Variants in KCNQ3 observed in about 807,000 individuals in gnomAD.
KCNQ3 encodes potassium voltage-gated channel subfamily KQT member 3.
In KCNQ3, 30 loss-of-function variants were observed where a neutral mutation model predicts 92.5. That is an observed-to-expected ratio of 0.32 (90% CI 0.24 to 0.44). The LOEUF (loss-of-function observed/expected upper bound fraction) is 0.44, where lower values mean the gene tolerates loss of function less well. Ranked by LOEUF, KCNQ3 falls within the 20% of genes least tolerant of loss-of-function variation. The pLI is 1.00. For synonymous variants in KCNQ3, 450 were observed against 468.8 expected (o/e 0.96, Z 0.52); for missense variants, 913 against 1,140.3 (o/e 0.80, Z 2.87).
Position 132,450,095 on chromosome 8 carries a change from C to A in KCNQ3, c.386+30052G>T, listed in dbSNP as rs562298147. Among the ~76,000 whole-genome samples the A allele has an allele frequency of 2.6e-5, 4 of 152,310 alleles. No individual in the cohort carries two copies. The East Asian group carries it at 7.7e-4, about 29-fold the overall frequency. On this transcript the variant is annotated intron_variant, in intron 1 of 14. Transcript: ENST00000388996. ...CAACAGGAAGATTTATTGTGAAGAG[C>A]AAAAGCACAAAGCTTCCACAGCATG...
At chr8:132,171,747 T>C (rs1410923954) in intron 7 of KCNQ3, among the ~76,000 whole-genome samples, 1 of 152,220 alleles carries the variant, frequency 6.6e-6, no homozygotes, top group Admixed American at 6.5e-5. Flanking sequence ...ACCTGGACTT[T>C]AGGCTGACTC....
At chr8:132,437,289 A>T (rs1023620612) in intron 1 of KCNQ3, among the ~76,000 whole-genome samples, 2 of 149,976 alleles carry the variant, frequency 1.3e-5, no homozygotes, top group Non-Finnish European at 1.5e-5. Flanking sequence ...AAAAAAAAAT[A>T]AAAATAAAAA....
intron 1 of KCNQ3, among the ~76,000 whole-genome samples, chr8:132,353,947 G>A (rs956345304): frequency 1.3e-5 from 2 of 152,186 alleles, no homozygotes; most frequent in Non-Finnish European, 2.9e-5. Flanking sequence ...CCTTGTTTGT[G>A]GTCATGAGTG....
intron 1 of KCNQ3, among the ~76,000 whole-genome samples, chr8:132,475,474 T>C (rs946147329): frequency 9.2e-5 from 14 of 152,164 alleles, no homozygotes; most frequent in Non-Finnish European, 5.9e-5. Flanking sequence ...GAGGAACTTA[T>C]TGGGAACTGG....
intron 1 of KCNQ3, among the ~76,000 whole-genome samples, chr8:132,226,507 A>T (rs933095343): frequency 6.6e-6 from 1 of 152,204 alleles, no homozygotes; most frequent in African/African-American, 2.4e-5. Flanking sequence ...ATTGACAAGT[A>T]GCCAAGGTCC....
chr8:132,145,443 T>C (rs1825422819), intron 9 of KCNQ3, among the ~76,000 whole-genome samples: 1 of 152,210 alleles, frequency 6.6e-6, no homozygotes, highest in Admixed American at 6.5e-5. Context: ...TGCTCTGTAG[T>C]TTATATTTCA....
At chr8:132,360,328 A>C (rs1402710250) in intron 1 of KCNQ3, among the ~76,000 whole-genome samples, 1 of 151,828 alleles carries the variant, frequency 6.6e-6, no homozygotes, top group Non-Finnish European at 1.5e-5. Flanking sequence ...CCTATCTCTC[A>C]TCCCTCTTTA....
At chr8:132,306,394 T>A (rs1817422954) in intron 1 of KCNQ3, among the ~76,000 whole-genome samples, 2 of 152,212 alleles carry the variant, frequency 1.3e-5, no homozygotes, top group Non-Finnish European at 2.9e-5. Context: ...TCTACTGTCC[T>A]TGCAGATCTC....
chr8:132,385,009 G>C (rs1819854522), intron 1 of KCNQ3, among the ~76,000 whole-genome samples: 1 of 152,318 alleles, frequency 6.6e-6, no homozygotes, highest in East Asian at 1.9e-4. Flanking sequence ...CAGGGTGCCA[G>C]AGTTCTCTAC....
intron 1 of KCNQ3, among the ~76,000 whole-genome samples, chr8:132,225,723 T>A (rs919064029): frequency 3.3e-5 from 5 of 152,162 alleles, no homozygotes; most frequent in African/African-American, 9.7e-5. Flanking sequence ...GGACTTCGCT[T>A]TAAGAGAAGT....
At chr8:132,418,947 T>A (rs949735490) in intron 1 of KCNQ3, among the ~76,000 whole-genome samples, 1 of 152,168 alleles carries the variant, frequency 6.6e-6, no homozygotes, top group Non-Finnish European at 1.5e-5. Flanking sequence ...CCATGTGACG[T>A]AAAGCAAGTC....
intron 1 of KCNQ3, among the ~76,000 whole-genome samples, chr8:132,313,120 C>T (rs191043422): frequency 1.2e-4 from 18 of 152,286 alleles, no homozygotes; most frequent in Non-Finnish European, 2.4e-4. Context: ...TTGGCAAATG[C>T]TGGCCTAGAA....
intron 1 of KCNQ3, among the ~76,000 whole-genome samples, chr8:132,335,428 C>G (rs1431689555): frequency 6.6e-6 from 1 of 152,174 alleles, no homozygotes; most frequent in Admixed American, 6.5e-5. Context: ...TCACTGTCTA[C>G]TCTGCAACTC....
intron 1 of KCNQ3, among the ~76,000 whole-genome samples, chr8:132,242,402 C>T (rs543019756): frequency 7.2e-5 from 11 of 152,250 alleles, no homozygotes; most frequent in African/African-American, 9.6e-5. Context: ...ATCATTAAAA[C>T]GGCTTCAAAA....
chr8:132,397,695 A>G (rs1820226824), intron 1 of KCNQ3, among the ~76,000 whole-genome samples: 1 of 152,148 alleles, frequency 6.6e-6, no homozygotes, highest in African/African-American at 2.4e-5. Flanking sequence ...CGGCTTACAG[A>G]CTATCTGGTT....
At chr8:132,397,200 G>C (rs1199359416) in intron 1 of KCNQ3, among the ~76,000 whole-genome samples, 1 of 152,106 alleles carries the variant, frequency 6.6e-6, no homozygotes, top group Non-Finnish European at 1.5e-5. Flanking sequence ...TACTCAGTCT[G>C]AGTGGCTGAG....
chr8:132,334,053 C>G (rs898486832), intron 1 of KCNQ3, among the ~76,000 whole-genome samples: 6 of 152,096 alleles, frequency 3.9e-5, no homozygotes, highest in African/African-American at 1.4e-4. Context: ...ACATAATATT[C>G]CATCCAGGAC....
At chr8:132,357,938 C>T (rs1186854347) in intron 1 of KCNQ3, among the ~76,000 whole-genome samples, 1 of 152,196 alleles carries the variant, frequency 6.6e-6, no homozygotes, top group Non-Finnish European at 1.5e-5. Context: ...TCTGGAACAC[C>T]ATTTAGTTTC....
intron 1 of KCNQ3, among the ~76,000 whole-genome samples, chr8:132,383,044 A>T (rs1483609574): frequency 2.6e-5 from 4 of 152,162 alleles, no homozygotes; most frequent in African/African-American, 7.2e-5. Context: ...AATTCTTCCT[A>T]AAACTCTCTC....
Sources: allele counts gnomAD v4.1 joint callset (sites outside exome capture counted in the v4.1 genomes callset), GRCh38; gene constraint gnomAD v4.1.1; transcripts MANE v1.5; gene names NCBI Gene and HGNC (gene_info 2026-07-23, HGNC 2026-07-21).